MSRA: variants seen among roughly 807,000 people sequenced by gnomAD.
MSRA encodes methionine sulfoxide reductase A.
In MSRA, 54 loss-of-function variants were observed where a neutral mutation model predicts 31.3. That is an observed-to-expected ratio of 1.73 (90% CI 1.39 to 2.17). The LOEUF (loss-of-function observed/expected upper bound fraction) is 2.17. Among genes scored for constraint, MSRA ranks in the 30% most tolerant of loss-of-function variants. MSRA has a pLI of 0.00. For synonymous variants in MSRA, 169 were observed against 116.5 expected (o/e 1.45, Z -2.90); for missense variants, 507 against 300.9 (o/e 1.69, Z -5.07).
At chr8:10,099,283 G>A (rs1261037257) in intron 1 of MSRA, among the ~76,000 whole-genome samples, 1 of 152,182 alleles carries the variant, frequency 6.6e-6, no homozygotes, top group African/African-American at 2.4e-5. Flanking sequence ...CAGAGCTGGT[G>A]GCCCATGGAA....
At chr8:10,173,247 A>G (rs1367925399) in intron 1 of MSRA, among the ~76,000 whole-genome samples, 1 of 152,246 alleles carries the variant, frequency 6.6e-6, no homozygotes, top group Non-Finnish European at 1.5e-5. Context: ...TCTGAGCCGA[A>G]GGCTCTCCGT....
At chr8:10,362,698 C>T (rs139348034) in intron 5 of MSRA, among the ~76,000 whole-genome samples, 2 of 152,146 alleles carry the variant, frequency 1.3e-5, no homozygotes, top group African/African-American at 4.8e-5. Context: ...AGATGAGGAC[C>T]CTTTTGCAAA....
chr8:10,169,410 C>G (rs1805413874), intron 1 of MSRA, among the ~76,000 whole-genome samples: 1 of 152,218 alleles, frequency 6.6e-6, no homozygotes, highest in African/African-American at 2.4e-5. Context: ...CTGCCACTTT[C>G]ATTTATTACT....
intron 5 of MSRA, chr8:10,337,837 C>G (rs756153591): frequency 4.3e-6 from 3 of 701,976 alleles, no homozygotes; most frequent in Non-Finnish European, 7.8e-6. Context: ...AGCAAGGTGC[C>G]TTCTTTCTGC....
intron 3 of MSRA, among the ~76,000 whole-genome samples, chr8:10,247,168 C>T (rs1338028169): frequency 6.6e-6 from 1 of 152,202 alleles, no homozygotes; most frequent in Non-Finnish European, 1.5e-5. Context: ...ATATGCCAGA[C>T]ACTGTAATAA....
chr8:10,257,949 C>T (rs1012800457), intron 3 of MSRA, among the ~76,000 whole-genome samples: 6 of 152,222 alleles, frequency 3.9e-5, no homozygotes, highest in Non-Finnish European at 8.8e-5. Context: ...GATTTCCACA[C>T]ACACACGTTG....
chr8:10,414,965 C>T (rs1398466601), intron 5 of MSRA, among the ~76,000 whole-genome samples: 2 of 152,148 alleles, frequency 1.3e-5, no homozygotes, highest in South Asian at 2.1e-4. Flanking sequence ...AAAGAAAACT[C>T]GTAGAGGAAA....
At chr8:10,348,771 G>A (rs1164686813) in intron 5 of MSRA, among the ~76,000 whole-genome samples, 1 of 152,164 alleles carries the variant, frequency 6.6e-6, no homozygotes, top group Non-Finnish European at 1.5e-5. Context: ...ACTGGAAAGA[G>A]GGATAGGTTG....
At chr8:10,230,024 G>A (rs1228065991) in intron 2 of MSRA, among the ~76,000 whole-genome samples, 1 of 152,194 alleles carries the variant, frequency 6.6e-6, no homozygotes, top group Admixed American at 6.5e-5. Context: ...TGATAAAGAT[G>A]CTCTGTGAAA....
At chr8:10,104,147 A>G (rs1437263486) in intron 1 of MSRA, among the ~76,000 whole-genome samples, 2 of 152,086 alleles carry the variant, frequency 1.3e-5, no homozygotes, top group Non-Finnish European at 2.9e-5. Flanking sequence ...GCTTTGTGCT[A>G]CCCATGCTGT....
intron 2 of MSRA, among the ~76,000 whole-genome samples, chr8:10,230,261 T>A (rs1283934094): frequency 6.6e-6 from 1 of 152,006 alleles, no homozygotes; most frequent in Non-Finnish European, 1.5e-5. Flanking sequence ...TGCTTTGGGG[T>A]TTTAAGAAGA....
At chr8:10,167,810 G>C (rs990161425) in intron 1 of MSRA, among the ~76,000 whole-genome samples, 2 of 151,942 alleles carry the variant, frequency 1.3e-5, no homozygotes, top group African/African-American at 4.8e-5. Context: ...CAAACAGAAG[G>C]GTACATAAAA....
At chr8:10,114,941 G>A (rs1800569949) in intron 1 of MSRA, among the ~76,000 whole-genome samples, 1 of 152,022 alleles carries the variant, frequency 6.6e-6, no homozygotes, top group Non-Finnish European at 1.5e-5. Flanking sequence ...AGATATATTT[G>A]GGGGAAAAAC....
chr8:10,177,027 A>G (rs774222434), intron 1 of MSRA, among the ~76,000 whole-genome samples: 3 of 152,222 alleles, frequency 2.0e-5, no homozygotes, highest in African/African-American at 7.2e-5. Context: ...CTGTTTCTCA[A>G]TAGAGACCTT....
At chr8:10,190,807 CTA>C in intron 1 of MSRA, among the ~76,000 whole-genome samples, 1 of 152,130 alleles carries the variant, frequency 6.6e-6, no homozygotes, top group Non-Finnish European at 1.5e-5. Flanking sequence ...GGAGACATTG[CTA>C]TGTGTTCAAC....
chr8:10,356,704 G>T (rs2129162296), intron 5 of MSRA, among the ~76,000 whole-genome samples: 1 of 152,220 alleles, frequency 6.6e-6, no homozygotes, highest in African/African-American at 2.4e-5. Flanking sequence ...GACACTGTAA[G>T]AAAGGAGGCA....
rs536158501 is a variant in MSRA, at chr8:10,208,537, G to A, written c.211+636G>A. Among the ~76,000 whole-genome samples, 3 of 152,124 alleles carry A rather than the reference G, an allele frequency of 2.0e-5. No homozygotes were observed. In the South Asian group the frequency reaches 6.2e-4, roughly 32 times the overall value. ...TCTAAACTTCCTTCAGAATATCTCT[G>A]CACATGGCCCTTTCTTTGCCTGCCT... On this transcript the variant is annotated intron_variant, in intron 2 of 5. Transcript: ENST00000317173.
intron 1 of MSRA, among the ~76,000 whole-genome samples, chr8:10,146,448 T>C (rs1259600777): frequency 6.6e-6 from 1 of 152,108 alleles, no homozygotes; most frequent in Admixed American, 6.6e-5. Context: ...GGTAGAGAAC[T>C]GTGAGTAAAA....
At chr8:10,096,489 G>A (rs1328540595) in intron 1 of MSRA, among the ~76,000 whole-genome samples, 2 of 152,212 alleles carry the variant, frequency 1.3e-5, no homozygotes, top group African/African-American at 4.8e-5. Flanking sequence ...GGGAATGGTA[G>A]AGAATAGAAA....
Sources: gnomAD v4.1 joint callset for allele counts (sites outside exome capture counted in the v4.1 genomes callset) on GRCh38, gnomAD v4.1.1 for gene constraint, MANE v1.5 for transcripts, NCBI Gene and HGNC (gene_info 2026-07-23, HGNC 2026-07-21) for gene names.